The following TCHP variants were observed in gnomAD, a reference collection of about 807,000 sequenced individuals.
TCHP encodes the protein trichoplein keratin filament-binding protein.
In TCHP, 81 loss-of-function variants were observed where a neutral mutation model predicts 88.7. The observed-to-expected ratio is 0.91, with a 90% CI of 0.76 to 1.10. TCHP has a LOEUF of 1.10. Among genes scored for constraint, TCHP ranks in the 50% least tolerant of loss-of-function variants. TCHP has a pLI of 0.00. For missense variants in TCHP, 641 were observed against 632.1 expected, an observed-to-expected ratio of 1.01 and a Z score of -0.15; for synonymous variants, 232 against 232.5, an observed-to-expected ratio of 1.00 and a Z score of 0.02.
At chr12:109,882,903 C>A in the TCHP span, among the ~76,000 whole-genome samples, 1 of 151,758 alleles carries the variant, frequency 6.6e-6, no homozygotes, top group Non-Finnish European at 1.5e-5. Flanking sequence ...GTGATCCGCC[C>A]GCCTCAGCCT....
chr12:109,908,729 C>T (rs1021052843), intron 7 of TCHP, 31 bp downstream of exon 7: 3 of 1,569,470 alleles, frequency 1.9e-6, no homozygotes, highest in Non-Finnish European at 2.6e-6. Context: ...CCACTCTTCC[C>T]AGGCGGGTGG....
upstream of TCHP, among the ~76,000 whole-genome samples, chr12:109,895,896 T>A (rs914943703): frequency 2.0e-5 from 3 of 152,198 alleles, no homozygotes; most frequent in African/African-American, 7.2e-5. Flanking sequence ...CCGTAGTCAT[T>A]GACCTGTCAT....
At chr12:109,902,695 C>T (rs187550695) in intron 1 of TCHP, among the ~76,000 whole-genome samples, 4 of 152,194 alleles carry the variant, frequency 2.6e-5, no homozygotes, top group South Asian at 2.1e-4. Flanking sequence ...CAGCTGGTCT[C>T]GAACTCCTGA....
the TCHP span, among the ~76,000 whole-genome samples, chr12:109,894,191 A>G: frequency 6.6e-6 from 1 of 151,760 alleles, no homozygotes; most frequent in Non-Finnish European, 1.5e-5. Flanking sequence ...TCTTAAAAAA[A>G]AAAAAAAATG....
In TCHP at chr12:109,905,920, C is replaced by T. The variant is rs548101941; in HGVS notation, c.457-652C>T. On this transcript the variant is annotated intron_variant, in intron 4 of 12. Coordinates refer to ENST00000405876, the MANE Select transcript of TCHP (RefSeq NM_001143852.2). This position sits in a 1 kb window ranked among gnomAD's most constrained non-coding sequence, Gnocchi z 4.0. Reference sequence around the variant, plus strand: ...GTCTCCCTGTGTTGCTCAGGCTGGTCTCAAACCTGGGCTCAAGTGATCCTC... The same window carrying T: ...GTCTCCCTGTGTTGCTCAGGCTGGTTTCAAACCTGGGCTCAAGTGATCCTC... Among the ~76,000 whole-genome samples the T allele has an allele frequency of 6.6e-6, 1 of 152,338 alleles. No individual in the cohort carries two copies. The highest frequency in any genetic ancestry group is 1.5e-5 in the Non-Finnish European group (1 of 68,030).
Position 109,915,408 on chromosome 12 carries a change from A to G in TCHP, c.1326A>G (p.Ala442=). ...ARKQELEAQV[A]ERRLQAWEAD... ...ACTTTGCTCTTGGCACTCAGGTTGC[A>G]GAGCGCCGGCTGCAGGCATGGGAAG... The change falls in exon 12 of 13, where the codon GCA becomes GCG. Residue 442 remains alanine (A), a synonymous_variant. Transcript: ENST00000405876. 6.2e-7 allele frequency: 1 copy of G among 1,614,160 alleles called. No individual in the cohort carries two copies. The highest frequency in any genetic ancestry group is 8.5e-7 in the Non-Finnish European group (1 of 1,180,038).
Position 109,914,460 on chromosome 12 carries a change from C to T in TCHP, c.1153C>T (p.Gln385Ter). Residue 385 changes from glutamine (Q) to a stop codon, truncating the protein, a stop_gained, in exon 11 of 13, where the codon CAG (glutamine) becomes TAG (stop). Transcript: ENST00000405876. LOFTEE classifies it high-confidence loss of function. The part of the protein sequence containing the change: ...LMSEVLTGRQ[Q>*]QIQEKIEQNR... ...AGGTTAGGTTCTGACAGGGAGACAA[C>T]AGCAAATACAAGAGAAGATTGAGCA... 1 of 1,613,266 alleles carries T rather than the reference C, an allele frequency of 6.2e-7. No individual in the cohort carries two copies. The highest frequency in any genetic ancestry group is 8.5e-7 in the Non-Finnish European group (1 of 1,179,446).
Position 109,908,646 on chromosome 12 carries a change from C to T in TCHP, c.760C>T (p.Leu254=), listed in dbSNP as rs747464568. The stretch of plus-strand genomic sequence containing the variant: ...GAAGCAGCGGTGGGAGCTAGAGAGG[C>T]TGGAGGAAGAGCGAAAGCAGATGGA... The part of the protein sequence containing the change: ...LLKQRWELER[L]EEERKQMEAF... Residue 254 remains leucine (L), a synonymous_variant, in exon 7 of 13, where the codon CTG becomes TTG. Transcript: ENST00000405876. The T allele has an allele frequency of 6.2e-6, 10 of 1,602,008 alleles. No homozygotes were observed. Among genetic ancestry groups the T allele is most frequent in the African/African-American group, 5.3e-5 (4 of 74,846 alleles).
At chr12:109,889,179 A>G in the TCHP span, among the ~76,000 whole-genome samples, 1 of 152,170 alleles carries the variant, frequency 6.6e-6, no homozygotes, top group Non-Finnish European at 1.5e-5. Flanking sequence ...ATTAAAAGTA[A>G]AAGACGACTC....
chr12:109,916,637 A>G lies in TCHP; in HGVS notation c.*14A>G, dbSNP rs183112449. 25 of 1,613,032 alleles carry G rather than the reference A, an allele frequency of 1.5e-5. No individual in the cohort carries two copies. The highest frequency in any genetic ancestry group is 1.0e-4 in the Admixed American group (6 of 59,834). ...GCTTGGAACTGACTTCATGGGTACC[A>G]TAAGTACAGAGAACAAGGGATGCTG... On this transcript the variant is annotated 3_prime_UTR_variant, in exon 13 of 13. Coordinates refer to ENST00000405876, the MANE Select transcript of TCHP (RefSeq NM_001143852.2).
At chr12:109,898,201 A>G (rs190649028), upstream of TCHP, among the ~76,000 whole-genome samples, 59 of 152,056 alleles carry the variant, frequency 3.9e-4, 1 homozygote, top group Non-Finnish European at 6.5e-4. Context: ...AGAAAGCTGC[A>G]CTATTTTTTG....
chr12:109,881,121 T>C, the TCHP span, among the ~76,000 whole-genome samples: 1 of 152,164 alleles, frequency 6.6e-6, no homozygotes, highest in Non-Finnish European at 1.5e-5. Context: ...TTACCTGTTG[T>C]GAGGCAGAAA....
At position 109,911,199 on chromosome 12, in the gene TCHP, A is replaced by G. The variant is rs571706262; in HGVS notation, c.1016A>G (p.Glu339Gly). Residue 339 changes from glutamate (E) to glycine (G), a missense_variant, in exon 9 of 13, where the codon GAG (glutamate) becomes GGG (glycine). Coordinates refer to ENST00000405876, the MANE Select transcript of TCHP (RefSeq NM_001143852.2). ...KQAIEEQLQL[E>G]RAREAELQML... ...GCCATTGAGGAGCAGCTGCAGCTGG[A>G]GCGGGCGCGGGAGGCAGAGCTGCAG... 1.6e-5 allele frequency: 25 copies of G among 1,588,226 alleles called. No individual in the cohort carries two copies. In the East Asian group the frequency reaches 5.3e-4, roughly 33 times the overall value.
the TCHP span, among the ~76,000 whole-genome samples, chr12:109,886,541 T>C: frequency 6.6e-6 from 1 of 152,154 alleles, no homozygotes; most frequent in African/African-American, 2.4e-5. Context: ...CATTAAGTCC[T>C]TCCTTACTCT....
chr12:109,910,951 A>G, intron 8 of TCHP, 112 bp from the exon 9 acceptor site: 1 of 1,385,180 alleles, frequency 7.2e-7, no homozygotes, highest in South Asian at 1.6e-5. Flanking sequence ...AACACTGTGT[A>G]GAATCACGAA....
chr12:109,890,613 G>A, the TCHP span, among the ~76,000 whole-genome samples: 4 of 151,292 alleles, frequency 2.6e-5, no homozygotes, highest in African/African-American at 9.7e-5. Flanking sequence ...AGGTTCGAGC[G>A]ATTCTCCCAC....
chr12:109,904,072 C>A lies in TCHP; in HGVS notation c.324C>A (p.Ser108Arg). The change falls in exon 3 of 13, where the codon AGC becomes AGA. Residue 108 changes from serine to arginine, a missense_variant. Physicochemically the swap from Ser to Arg is moderately radical, Grantham distance 110. Transcript: ENST00000405876. ...LARELEELRL[S>R]MNLQERRIRE... is the part of the protein sequence containing the mutation. Reference sequence around the variant, plus strand: ...GAGAACTGGAGGAGCTGAGGCTGAGCATGAACTTGCAGGAAAGAAGAATCC... The same window carrying A: ...GAGAACTGGAGGAGCTGAGGCTGAGAATGAACTTGCAGGAAAGAAGAATCC... The A allele has an allele frequency of 6.2e-7, 1 of 1,601,560 alleles. No homozygotes were observed. The highest frequency in any genetic ancestry group is 8.5e-7 in the Non-Finnish European group (1 of 1,174,002).
At chr12:109,886,928 C>G in the TCHP span, among the ~76,000 whole-genome samples, 1 of 151,896 alleles carries the variant, frequency 6.6e-6, no homozygotes, top group East Asian at 2.0e-4. Flanking sequence ...AGGCTGGTCT[C>G]GAACTCCTGA....
chr12:109,881,659 T>G, the TCHP span, among the ~76,000 whole-genome samples: 1 of 152,196 alleles, frequency 6.6e-6, no homozygotes, highest in Admixed American at 6.6e-5. Context: ...CCTGGACACC[T>G]TCTACTGGTA....
Sources: allele counts gnomAD v4.1 joint callset (sites outside exome capture counted in the v4.1 genomes callset), GRCh38; gene constraint gnomAD v4.1.1; non-coding constraint Gnocchi (gnomAD v3.1); transcripts MANE v1.5; gene names NCBI Gene and HGNC (gene_info 2026-07-23, HGNC 2026-07-21).